AHRR: variants seen among roughly 807,000 people sequenced by gnomAD.
AHRR encodes aryl hydrocarbon receptor repressor.
In AHRR, 28 loss-of-function variants were observed where a neutral mutation model predicts 44.0. The observed-to-expected ratio is 0.64, with a 90% confidence interval of 0.47 to 0.87. The LOEUF (loss-of-function observed/expected upper bound fraction) is 0.87, where lower values mean the gene tolerates loss of function less well. AHRR is among the 40% of genes least tolerant of loss of function. The pLI is 0.00. For missense variants in AHRR, 990 were observed against 953.9 expected (o/e 1.04, Z -0.50); for synonymous variants, 434 against 407.0 (o/e 1.07, Z -0.80).
At chr5:429,080 C>T (rs914855109) in intron 8 of AHRR, among the ~76,000 whole-genome samples, 4 of 152,214 alleles carry the variant, frequency 2.6e-5, no homozygotes, top group Admixed American at 1.3e-4. Context: ...CTTGGGGATT[C>T]GTGTCTATAG....
chr5:334,884 TG>T (rs140138582), intron 1 of AHRR, among the ~76,000 whole-genome samples: 14,902 of 152,048 alleles, frequency 0.098, 2,370 homozygotes, highest in African/African-American at 0.33. Context: ...GTGACTGGGA[TG>T]TTGGTTGGGT....
intron 1 of AHRR, among the ~76,000 whole-genome samples, chr5:330,784 G>A (rs968611472): frequency 1.3e-5 from 2 of 151,944 alleles, no homozygotes; most frequent in African/African-American, 2.4e-5. Flanking sequence ...ATGAGTTAGG[G>A]AGCATTCTCT....
chr5:394,698 G>T (rs1054243684), intron 4 of AHRR, among the ~76,000 whole-genome samples: 4 of 152,166 alleles, frequency 2.6e-5, no homozygotes, highest in African/African-American at 9.7e-5. Context: ...TTTCCTGGCT[G>T]TGCCTCCTGT....
chr5:369,521 C>A (rs190693027), intron 3 of AHRR, among the ~76,000 whole-genome samples: 1 of 152,352 alleles, frequency 6.6e-6, no homozygotes, highest in East Asian at 1.9e-4. Flanking sequence ...TGAGGCCTCC[C>A]GCTGCACGAG....
At chr5:397,504 A>ATCCACGTAGCCCCTGACCG (rs1734782734) in intron 4 of AHRR, among the ~76,000 whole-genome samples, 2 of 70,708 alleles carry the variant, frequency 2.8e-5, no homozygotes, top group African/African-American at 6.6e-5. Flanking sequence ...GCCCCTGACC[A>ATCCACGTAGCCCCTGACCG]TCCACGTAGC....
chr5:418,925 G>C (rs1735947775), intron 5 of AHRR: 1 of 152,438 alleles, frequency 6.6e-6, no homozygotes, highest in Non-Finnish European at 1.5e-5. Context: ...GAAGTCCCAG[G>C]ACCGCCTGAC....
chr5:409,160 TA>T (rs1393892640), intron 4 of AHRR, among the ~76,000 whole-genome samples: 1 of 152,256 alleles, frequency 6.6e-6, no homozygotes, highest in Non-Finnish European at 1.5e-5. Flanking sequence ...GCATATTTGG[TA>T]GGTTTCAATT....
At chr5:345,328 GT>G (rs1742605324) in intron 2 of AHRR, among the ~76,000 whole-genome samples, 6 of 45,296 alleles carry the variant, frequency 1.3e-4, no homozygotes, top group African/African-American at 3.1e-4. Context: ...GTGTGTGTGT[GT>G]GTGGGGATGT....
chr5:367,086 T>C (rs1297255124), intron 3 of AHRR, among the ~76,000 whole-genome samples: 1 of 152,242 alleles, frequency 6.6e-6, no homozygotes, highest in African/African-American at 2.4e-5. Flanking sequence ...AAGTTTGATA[T>C]CATCTCAAAG....
At position 326,849 on chromosome 5, in the gene AHRR, G is replaced by T. The variant is rs1443942267; in HGVS notation, c.-11+5030G>T. Among the ~76,000 whole-genome samples the T allele has an allele frequency of 6.6e-6, 1 of 151,960 alleles. No homozygotes were observed. The highest frequency in any genetic ancestry group is 2.1e-4 in the South Asian group (1 of 4,802). On this transcript the variant is annotated intron_variant, in intron 1 of 10. Transcript: ENST00000684583. This position sits in a 1 kb window ranked among gnomAD's most constrained non-coding sequence, Gnocchi z 4.1. ...TGAGGCAGGCGGATCACTTGAGGTC[G>T]GGAGTTCGAGACCAGCCTGACCAAT...
intron 2 of AHRR, among the ~76,000 whole-genome samples, chr5:350,542 GCCATCTCTC>G (rs1742824468): frequency 6.6e-6 from 1 of 152,076 alleles, no homozygotes; most frequent in African/African-American, 2.4e-5. Flanking sequence ...ACTGCCTTCG[GCCATCTCTC>G]CCATCTCTCT....
At chr5:386,514 G>A (rs1560901869) in intron 4 of AHRR, among the ~76,000 whole-genome samples, 1 of 152,258 alleles carries the variant, frequency 6.6e-6, no homozygotes. Context: ...TCAGAGTGAT[G>A]CTGCATAGCT....
chr5:356,291 C>G (rs1743043178), intron 3 of AHRR, among the ~76,000 whole-genome samples: 1 of 152,136 alleles, frequency 6.6e-6, no homozygotes, highest in African/African-American at 2.4e-5. Context: ...GGGAGCTGGG[C>G]CCCTTCTAGG....
At chr5:345,370 C>G (rs1443129248) in intron 2 of AHRR, among the ~76,000 whole-genome samples, 1 of 40,500 alleles carries the variant, frequency 2.5e-5, no homozygotes, top group Non-Finnish European at 4.0e-5. Flanking sequence ...ATGTCCCTGG[C>G]TGTGTGTGGG....
At chr5:364,934 A>T (rs1743306057) in intron 3 of AHRR, among the ~76,000 whole-genome samples, 1 of 152,142 alleles carries the variant, frequency 6.6e-6, no homozygotes, top group Non-Finnish European at 1.5e-5. Flanking sequence ...AATTCATTTC[A>T]TCAAGCAGAT....
chr5:420,819 A>G (rs1327230637), intron 5 of AHRR: 1 of 266,604 alleles, frequency 3.8e-6, no homozygotes, highest in Admixed American at 5.2e-5. Context: ...CCACCCACCC[A>G]CGCAGCCACC....
intron 7 of AHRR, among the ~76,000 whole-genome samples, chr5:425,577 G>A (rs535970729): frequency 6.6e-6 from 1 of 152,306 alleles, no homozygotes; most frequent in African/African-American, 2.4e-5. Flanking sequence ...ATTGGCTAAG[G>A]AATGTTGTTC....
intron 4 of AHRR, among the ~76,000 whole-genome samples, chr5:403,444 T>C (rs549758561): frequency 6.6e-6 from 1 of 152,276 alleles, no homozygotes; most frequent in South Asian, 2.1e-4. Context: ...GAGACCAGCC[T>C]GGCCAACATG....
chr5:421,065 A>C, intron 5 of AHRR: 1 of 530,462 alleles, frequency 1.9e-6, no homozygotes, highest in Non-Finnish European at 3.3e-6. Context: ...CGCAGCGACT[A>C]AAAGATAAAG....
Sources: gnomAD v4.1 joint callset for allele counts (sites outside exome capture counted in the v4.1 genomes callset) on GRCh38, gnomAD v4.1.1 for gene constraint, Gnocchi (gnomAD v3.1) non-coding constraint, MANE v1.5 for transcripts, NCBI Gene and HGNC (gene_info 2026-07-23, HGNC 2026-07-21) for gene names.